CLVS1: variants seen among roughly 807,000 people sequenced by gnomAD.
CLVS1 encodes clavesin 1.
Under a neutral mutation model 33.1 loss-of-function variants are expected in CLVS1, and 10 were observed. The ratio of observed to expected loss-of-function variants is 0.30; its 90% CI spans 0.19 to 0.51. The LOEUF (loss-of-function observed/expected upper bound fraction) is 0.51. Among genes scored for constraint, CLVS1 ranks in the 20% least tolerant of loss-of-function variants. CLVS1 has a pLI of 0.97. For synonymous variants in CLVS1, 163 were observed against 166.1 expected (o/e 0.98, Z 0.14); for missense variants, 343 against 433.4 (o/e 0.79, Z 1.85).
chr8:61,180,289 G>A (rs754759535), intron 2 of CLVS1, among the ~76,000 whole-genome samples: 4 of 152,046 alleles, frequency 2.6e-5, no homozygotes, highest in Non-Finnish European at 5.9e-5. Context: ...GACTAAACTA[G>A]GAAGAAGTCA....
chr8:61,249,814 A>T (rs190240173), intron 2 of CLVS1, among the ~76,000 whole-genome samples: 29 of 152,260 alleles, frequency 1.9e-4, no homozygotes, highest in Non-Finnish European at 3.1e-4. Flanking sequence ...TCTGGATATT[A>T]ACCCTTTGTC....
chr8:61,371,988 G>C (rs1186715848), intron 2 of CLVS1, among the ~76,000 whole-genome samples: 1 of 152,088 alleles, frequency 6.6e-6, no homozygotes, highest in Non-Finnish European at 1.5e-5. Context: ...AGTTCACATA[G>C]TCCTCTCACA....
At chr8:61,074,819 T>G (rs911208675) in intron 1 of CLVS1, among the ~76,000 whole-genome samples, 2 of 152,078 alleles carry the variant, frequency 1.3e-5, no homozygotes, top group Non-Finnish European at 2.9e-5. Context: ...TGCCTGACAC[T>G]TAGTAGGCAT....
chr8:61,389,795 A>T (rs1023837742), intron 3 of CLVS1, among the ~76,000 whole-genome samples: 1 of 152,208 alleles, frequency 6.6e-6, no homozygotes, highest in African/African-American at 2.4e-5. Context: ...TATTAGAGAG[A>T]TGTTCATCTA....
the CLVS1 span, among the ~76,000 whole-genome samples, chr8:60,992,014 C>T: frequency 6.6e-6 from 1 of 152,164 alleles, no homozygotes; most frequent in Non-Finnish European, 1.5e-5. Flanking sequence ...TCCCAAGGTG[C>T]TGGGATTACA....
At chr8:60,978,534 G>A in the CLVS1 span, among the ~76,000 whole-genome samples, 3 of 152,204 alleles carry the variant, frequency 2.0e-5, no homozygotes, top group Admixed American at 1.3e-4. Flanking sequence ...ACTAAAAAAG[G>A]CCAGGTGCAG....
intron 3 of CLVS1, among the ~76,000 whole-genome samples, chr8:61,419,547 C>T (rs1270756908): frequency 1.3e-5 from 2 of 152,082 alleles, no homozygotes; most frequent in African/African-American, 4.8e-5. Flanking sequence ...AGGCTGATGG[C>T]AGGGGACCTG....
intron 3 of CLVS1, among the ~76,000 whole-genome samples, chr8:61,399,840 G>A (rs1042134961): frequency 3.9e-5 from 6 of 152,138 alleles, no homozygotes; most frequent in Admixed American, 1.3e-4. Context: ...AGATCAGATG[G>A]TTGTAGGTGT....
At chr8:61,216,681 C>T (rs1411631632) in intron 2 of CLVS1, among the ~76,000 whole-genome samples, 2 of 152,128 alleles carry the variant, frequency 1.3e-5, no homozygotes, top group African/African-American at 2.4e-5. Flanking sequence ...GATTTGAACC[C>T]ACAGTTTTCT....
chr8:61,429,419 T>TAA lies in CLVS1; in HGVS notation c.631-24699_631-24698dup, dbSNP rs57688988. On this transcript the variant is annotated intron_variant, in intron 3 of 5. Transcript: ENST00000325897. ...TAGGTGACACAGTGAGACTCTGTCT[T>TAA]AAAAAAAAAAAAAAAAAAAAAAAAG... Among the ~76,000 whole-genome samples the TAA allele has an allele frequency of 5.9e-3, 434 of 73,220 alleles. 3 individuals are homozygous for TAA. Among genetic ancestry groups the TAA allele is most frequent in the African/African-American group, 0.024 (393 of 16,496 alleles). 48.0% of individuals were successfully genotyped at this position (73,220 alleles called of 152,430 possible).
chr8:61,327,762 A>C (rs139286603), intron 2 of CLVS1, among the ~76,000 whole-genome samples: 2,692 of 152,278 alleles, frequency 0.018, 36 homozygotes, highest in Non-Finnish European at 0.026. Context: ...TCAGTGGCTT[A>C]CCCCAACCTA....
At chr8:61,392,984 A>T (rs1451676910) in intron 3 of CLVS1, among the ~76,000 whole-genome samples, 1 of 152,000 alleles carries the variant, frequency 6.6e-6, no homozygotes. Context: ...CCTGGGTTCA[A>T]GCGATTCTCC....
At chr8:61,007,988 A>G in the CLVS1 span, among the ~76,000 whole-genome samples, 1 of 152,224 alleles carries the variant, frequency 6.6e-6, no homozygotes, top group Non-Finnish European at 1.5e-5. Context: ...GGGATGGGGC[A>G]GGATTCCAAG....
rs201195565 is a variant in CLVS1 at position 61,410,066 on chromosome 8, G to GTTTTTTTTTT, written c.630+33297_630+33306dup. Among the ~76,000 whole-genome samples the GTTTTTTTTTT allele has an allele frequency of 7.8e-4, 83 of 106,876 alleles. 1 individual carries two copies. The highest frequency in any genetic ancestry group is 5.7e-3 in the Middle Eastern group (1 of 176). 70.1% of individuals were successfully genotyped at this position (106,876 alleles called of 152,430 possible). A position where few individuals can be genotyped will look rare whatever the true frequency, so the allele number is the denominator to read the frequency against. Reference sequence around the variant, plus strand: ...ATTTGTCCTGGCTTTACTTGCAGAGGTTTTTTTTTTTTTTTTTTTCTTTGT... The same window carrying GTTTTTTTTTT: ...ATTTGTCCTGGCTTTACTTGCAGAGGTTTTTTTTTTTTTTTTTTTTTTTTTTTTTCTTTGT... On this transcript the variant is annotated intron_variant, in intron 3 of 5. Coordinates refer to ENST00000325897, the MANE Select transcript of CLVS1 (RefSeq NM_173519.3).
At chr8:61,076,719 T>C (rs1338121678) in intron 1 of CLVS1, among the ~76,000 whole-genome samples, 5 of 152,178 alleles carry the variant, frequency 3.3e-5, no homozygotes, top group African/African-American at 1.2e-4. Flanking sequence ...GCAGGGCAGT[T>C]TGCCAACTGT....
rs536161992 is a variant in CLVS1, at chr8:61,070,356, C to T, written c.-243+13126C>T. On this transcript the variant is annotated intron_variant, in intron 1 of 2. Coordinates refer to the CLVS1 transcript ENST00000522621. ...GCTTGCTGGGCTACAGTCATGATTC[C>T]GAGGAGGATTATATTGTGATTTTAT... Among the ~76,000 whole-genome samples, 101 of 152,270 alleles carry T rather than the reference C, an allele frequency of 6.6e-4. No homozygotes were observed. The South Asian group carries it at 7.1e-3, about 11-fold the overall frequency.
intron 2 of CLVS1, among the ~76,000 whole-genome samples, chr8:61,260,852 C>T (rs1391533074): frequency 6.6e-6 from 1 of 152,144 alleles, no homozygotes; most frequent in African/African-American, 2.4e-5. Context: ...GATAACCATG[C>T]TGAGGAAGTT....
At chr8:61,035,180 C>CTTT in the CLVS1 span, among the ~76,000 whole-genome samples, 8 of 86,030 alleles carry the variant, frequency 9.3e-5, no homozygotes, top group South Asian at 3.5e-4. Context: ...CTTTTCTTTT[C>CTTT]TTTTTTCTTT....
intron 3 of CLVS1, among the ~76,000 whole-genome samples, chr8:61,449,895 A>G (rs935785031): frequency 6.6e-6 from 1 of 152,196 alleles, no homozygotes; most frequent in Non-Finnish European, 1.5e-5. Flanking sequence ...TACTTAGCCA[A>G]AGAAATAGGG....
Sources: gnomAD v4.1 joint callset for allele counts (sites outside exome capture counted in the v4.1 genomes callset) on GRCh38, gnomAD v4.1.1 for gene constraint, MANE v1.5 for transcripts, NCBI Gene and HGNC (gene_info 2026-07-23, HGNC 2026-07-21) for gene names.